ADD2: variants seen among roughly 807,000 people sequenced by gnomAD.
The protein encoded by ADD2 is beta-adducin.
In ADD2, 23 loss-of-function variants were observed where a neutral mutation model predicts 83.0. The observed-to-expected ratio is 0.28, with a 90% CI of 0.20 to 0.39. The LOEUF is 0.39. Among genes scored for constraint, ADD2 ranks in the 10% least tolerant of loss-of-function variants. The pLI is 1.00. For synonymous variants in ADD2, 375 were observed against 375.4 expected, an observed-to-expected ratio of 1.00 and a Z score of 0.01; for missense variants, 758 against 944.9, an observed-to-expected ratio of 0.80 and a Z score of 2.59.
At chr2:70,693,499 T>C (rs781790434) in intron 6 of ADD2, among the ~76,000 whole-genome samples, 3 of 152,082 alleles carry the variant, frequency 2.0e-5, no homozygotes, top group Non-Finnish European at 2.9e-5. Context: ...ACAAGATGGG[T>C]ATCAAAGCAG....
At position 70,676,949 on chromosome 2, in the gene ADD2, G is replaced by T. The variant is rs1670181627; in HGVS notation, c.1504-64C>A. On this transcript the variant is annotated intron_variant, in intron 12 of 15. Coordinates refer to ENST00000264436, the MANE Select transcript of ADD2 (RefSeq NM_001617.4). The surrounding 1 kb of genome is among the most constrained non-coding windows in gnomAD (Gnocchi z 4.8). ...CAGGGTCAGCGTGGAGTTTGGGAGG[G>T]GGCATACGGGTGTGCCTGGGGTCTA... is the stretch of plus-strand genomic sequence containing the variant. The T allele has an allele frequency of 6.3e-7, 1 of 1,575,070 alleles. No homozygotes were observed. Among genetic ancestry groups the T allele is most frequent in the African/African-American group, 1.3e-5 (1 of 74,156 alleles).
At chr2:70,673,117 G>A in intron 14 of ADD2, 111 bp from the exon 15 acceptor site, 1 of 1,533,520 alleles carries the variant, frequency 6.5e-7, no homozygotes, top group Non-Finnish European at 8.9e-7. Flanking sequence ...AATCCTCCTG[G>A]CTGATAATGA....
chr2:70,699,913 A>G (rs1050189969), intron 4 of ADD2, among the ~76,000 whole-genome samples: 1 of 152,234 alleles, frequency 6.6e-6, no homozygotes, highest in Admixed American at 6.5e-5. Flanking sequence ...TCAAAATAGA[A>G]GTTGGGCAAA....
intron 15 of ADD2, 43 bp from the exon 16 acceptor site, chr2:70,663,778 G>C (rs781785158): frequency 6.4e-7 from 1 of 1,571,948 alleles, no homozygotes; most frequent in Non-Finnish European, 8.6e-7. Flanking sequence ...ATTTCATTCA[G>C]GTGACAGCTT....
chr2:70,676,581 G>T lies in ADD2; in HGVS notation c.1593+215C>A. ...AGGCAGGCTGGGCTGCTGTTCTCCA[G>T]CCCAGTGCCCACAGGGGCCATCAGA... On this transcript the variant is annotated intron_variant, in intron 13 of 15. Coordinates refer to ENST00000264436, the MANE Select transcript of ADD2 (RefSeq NM_001617.4). This position sits in a 1 kb window ranked among gnomAD's most constrained non-coding sequence, Gnocchi z 4.8. 23 of 1,426,720 alleles carry T rather than the reference G, an allele frequency of 1.6e-5. No homozygotes were observed. Among genetic ancestry groups the T allele is most frequent in the Non-Finnish European group, 2.1e-5 (23 of 1,085,646 alleles). 88.4% of individuals were successfully genotyped at this position (1,426,720 alleles called of 1,614,324 possible).
chr2:70,671,713 T>C (rs1669902859), intron 15 of ADD2, among the ~76,000 whole-genome samples: 1 of 152,202 alleles, frequency 6.6e-6, no homozygotes, highest in Non-Finnish European at 1.5e-5. Context: ...CTTGGGGCTC[T>C]GGCCTCAAGC....
chr2:70,755,387 A>T (rs1553383654), intron 1 of ADD2, among the ~76,000 whole-genome samples: 1 of 152,166 alleles, frequency 6.6e-6, no homozygotes, highest in Non-Finnish European at 1.5e-5. Flanking sequence ...GCCTTCCCTG[A>T]CCACTCTGGC....
At chr2:70,753,031 T>C (rs6741841) in intron 1 of ADD2, among the ~76,000 whole-genome samples, 104,262 of 152,046 alleles carry the variant, frequency 0.69, 37,401 homozygotes, top group East Asian at 0.92. Flanking sequence ...CCCAAAAGAG[T>C]TCACCAGAAA....
At position 70,658,925 on chromosome 2, in the gene ADD2, A is replaced by G. The variant is rs1034335737; in HGVS notation, c.*4500T>C. Reference sequence around the variant, plus strand: ...TTTGGGAAGCCGAGGCAGGTGGATCACGAGGTCAGGAGTTCAAGACCAGCC... The same window carrying G: ...TTTGGGAAGCCGAGGCAGGTGGATCGCGAGGTCAGGAGTTCAAGACCAGCC... On this transcript the variant is annotated 3_prime_UTR_variant, in exon 16 of 16. Transcript: ENST00000264436. 2 of 152,104 alleles carry G rather than the reference A, an allele frequency of 1.3e-5. No homozygotes were observed. The highest frequency in any genetic ancestry group is 4.8e-5 in the African/African-American group (2 of 41,426). The allele number at this position is 152,104 out of a possible 1,614,324, so 9.4% of individuals were successfully genotyped here.
In ADD2 at chr2:70,728,959, C is replaced by G. The variant is rs1673148460; in HGVS notation, c.-153-15775G>C. Among the ~76,000 whole-genome samples the G allele has an allele frequency of 2.0e-5, 3 of 152,236 alleles. 1 individual carries two copies. The South Asian group carries it at 6.2e-4, about 32-fold the overall frequency. ...TAGGGCCTGTCGGCATGGTTTTCCACCGGCAAACTCTCAAAGATACGCTGA... is the reference window on the plus strand; with the variant it reads ...TAGGGCCTGTCGGCATGGTTTTCCAGCGGCAAACTCTCAAAGATACGCTGA... On this transcript the variant is annotated intron_variant, in intron 1 of 15. Transcript: ENST00000264436.
rs1294930629 is a variant in ADD2 at position 70,695,757 on chromosome 2, C to T, written c.519G>A (p.Lys173=). 6.2e-7 allele frequency: 1 copy of T among 1,614,178 alleles called. No individual in the cohort carries two copies. The highest frequency in any genetic ancestry group is 8.5e-7 in the Non-Finnish European group (1 of 1,180,042). The change falls in exon 6 of 16, where the codon AAG becomes AAA. Residue 173 remains lysine (K), a synonymous_variant. Coordinates refer to ENST00000264436, the MANE Select transcript of ADD2 (RefSeq NM_001617.4). ...KEQDHFLISP[K]GVSCSEVTAS... The stretch of plus-strand genomic sequence containing the variant: ...CTGTGACTTCACTGCAAGAAACTCC[C>T]TTAGGGCTGATCAGGAAGTGGTCCT...
At position 70,712,623 on chromosome 2, in the gene ADD2, T is replaced by A. The variant is rs1016712547; in HGVS notation, c.-35+443A>T. Among the ~76,000 whole-genome samples, 11 of 152,216 alleles carry A rather than the reference T, an allele frequency of 7.2e-5. No individual in the cohort carries two copies. In the South Asian group the frequency reaches 1.9e-3, roughly 26 times the overall value. Reference sequence around the variant, plus strand: ...TCCCAGAACATCTGCTGGGCTGCCATGTGGAAGAAGAATTAGGCTGGTTCT... The same window carrying A: ...TCCCAGAACATCTGCTGGGCTGCCAAGTGGAAGAAGAATTAGGCTGGTTCT... On this transcript the variant is annotated intron_variant, in intron 2 of 15. Coordinates refer to ENST00000264436, the MANE Select transcript of ADD2 (RefSeq NM_001617.4).
chr2:70,675,110 T>C, intron 13 of ADD2: 1 of 1,142,034 alleles, frequency 8.8e-7, no homozygotes, highest in Non-Finnish European at 1.1e-6. Context: ...GACACACCTT[T>C]ATTGCAATCC....
chr2:70,719,703 A>T (rs1408913411), intron 1 of ADD2, among the ~76,000 whole-genome samples: 1 of 152,204 alleles, frequency 6.6e-6, no homozygotes, highest in Non-Finnish European at 1.5e-5. Context: ...GACTGTCCTG[A>T]TTCACTGTTC....
Position 70,661,127 on chromosome 2 carries a change from C to T in ADD2, c.*2298G>A, listed in dbSNP as rs1462780370. On this transcript the variant is annotated 3_prime_UTR_variant, in exon 16 of 16. Transcript: ENST00000264436. ...TGAGGCCTAAGTGAGGCCTCATTGT[C>T]AAGGGAATAGAGTGTGTTGAATGCA... 3 of 152,158 alleles carry T rather than the reference C, an allele frequency of 2.0e-5. No individual in the cohort carries two copies. The highest frequency in any genetic ancestry group is 7.2e-5 in the African/African-American group (3 of 41,446). 9.4% of individuals were successfully genotyped at this position (152,158 alleles called of 1,614,324 possible).
chr2:70,735,895 G>A (rs1158999767), intron 1 of ADD2, among the ~76,000 whole-genome samples: 1 of 145,554 alleles, frequency 6.9e-6, no homozygotes, highest in Non-Finnish European at 1.5e-5. Flanking sequence ...TAAAGATGGG[G>A]TTTCACCATG....
chr2:70,664,680 G>C (rs1403932800), intron 15 of ADD2, among the ~76,000 whole-genome samples: 6 of 152,298 alleles, frequency 3.9e-5, no homozygotes, highest in Admixed American at 3.9e-4. Context: ...GACGGGAACT[G>C]AAAGGAGTGT....
At chr2:70,732,714 A>T (rs1673349460) in intron 1 of ADD2, among the ~76,000 whole-genome samples, 1 of 152,170 alleles carries the variant, frequency 6.6e-6, no homozygotes. Flanking sequence ...TCGGCCAGCT[A>T]AAGTCTCCTC....
At chr2:70,720,060 C>T (rs1287921058) in intron 1 of ADD2, among the ~76,000 whole-genome samples, 1 of 152,032 alleles carries the variant, frequency 6.6e-6, no homozygotes, top group East Asian at 1.9e-4. Context: ...AATAAATGCT[C>T]ATTTGGCAAA....
Sources: allele counts gnomAD v4.1 joint callset (sites outside exome capture counted in the v4.1 genomes callset), GRCh38; gene constraint gnomAD v4.1.1; non-coding constraint Gnocchi (gnomAD v3.1); transcripts MANE v1.5; gene names NCBI Gene and HGNC (gene_info 2026-07-23, HGNC 2026-07-21).